The following GFPT2 variants were observed in gnomAD, a reference collection of about 807,000 sequenced individuals.
The protein encoded by GFPT2 is glutamine--fructose-6-phosphate transaminase 2.
GFPT2 carries 62 observed loss-of-function variants against 85.6 expected under a neutral mutation model. That is an observed-to-expected ratio of 0.72 (90% CI 0.59 to 0.90). The LOEUF (loss-of-function observed/expected upper bound fraction) is 0.90, where lower values mean the gene tolerates loss of function less well. Among genes scored for constraint, GFPT2 ranks in the 40% least tolerant of loss-of-function variants. GFPT2 has a pLI of 0.00. For synonymous variants in GFPT2, 368 were observed against 344.5 expected, an observed-to-expected ratio of 1.07 and a Z score of -0.75; for missense variants, 788 against 893.4, an observed-to-expected ratio of 0.88 and a Z score of 1.50.
chr5:180,338,507 C>T lies in GFPT2; in HGVS notation c.101G>A (p.Gly34Asp). The T allele has an allele frequency of 6.2e-7, 1 of 1,604,128 alleles. No homozygotes were observed. The highest frequency in any genetic ancestry group is 8.5e-7 in the Non-Finnish European group (1 of 1,171,284). Residue 34 changes from glycine to aspartate, a missense_variant, in exon 2 of 19, where the codon GGC becomes GAC. Physicochemically the swap from Gly to Asp is moderately conservative, Grantham distance 94 (BLOSUM62 -1). Coordinates refer to ENST00000253778, the MANE Select transcript of GFPT2 (RefSeq NM_005110.4). ...IKGLQRLEYR[G>D]YDSAGVAIDG... ...CGCACACCCACCTGCCGAGTCGTAGCCTCTGTACTCCAGCCGCTGCAGGCC... is the reference window on the plus strand; with the variant it reads ...CGCACACCCACCTGCCGAGTCGTAGTCTCTGTACTCCAGCCGCTGCAGGCC...
At chr5:180,340,941 C>CG (rs1764503926) in intron 1 of GFPT2, among the ~76,000 whole-genome samples, 1 of 152,166 alleles carries the variant, frequency 6.6e-6, no homozygotes, top group Non-Finnish European at 1.5e-5. Flanking sequence ...AGATGAATGA[C>CG]GGGGGAACAA....
At chr5:180,326,294 G>A (rs769180447) in intron 7 of GFPT2, among the ~76,000 whole-genome samples, 3 of 151,238 alleles carry the variant, frequency 2.0e-5, no homozygotes, top group African/African-American at 4.8e-5. Flanking sequence ...AGAAAACACC[G>A]ACGAACACTG....
intron 1 of GFPT2, among the ~76,000 whole-genome samples, chr5:180,348,797 A>G (rs1764658416): frequency 6.9e-6 from 1 of 144,502 alleles, no homozygotes; most frequent in African/African-American, 2.6e-5. Context: ...GCTGGAGTGT[A>G]GTGGCACGAT....
rs1419178220 is a variant in GFPT2 at position 180,353,305 on chromosome 5, C to T, written c.-88G>A. On this transcript the variant is annotated 5_prime_UTR_variant, in exon 1 of 19. Coordinates refer to ENST00000253778, the MANE Select transcript of GFPT2 (RefSeq NM_005110.4). ...CCTCCGTGGGCTCCTCCGTGGGCTC[C>T]GTGGGCTCCGTGGGCTCCGCGGGCT... is the stretch of plus-strand genomic sequence containing the variant. 2.0e-6 allele frequency: 2 copies of T among 977,928 alleles called. No homozygotes were observed. Among genetic ancestry groups the T allele is most frequent in the South Asian group, 5.2e-5 (1 of 19,272 alleles). 60.6% of individuals were successfully genotyped at this position (977,928 alleles called of 1,614,324 possible).
intron 1 of GFPT2, among the ~76,000 whole-genome samples, chr5:180,351,423 C>T (rs919249783): frequency 3.3e-5 from 5 of 152,298 alleles, no homozygotes; most frequent in East Asian, 1.9e-4. Flanking sequence ...CCACTTCCCC[C>T]ACCCTGCCCC....
At chr5:180,339,771 A>T (rs575634766) in intron 1 of GFPT2, among the ~76,000 whole-genome samples, 1 of 152,190 alleles carries the variant, frequency 6.6e-6, no homozygotes, top group East Asian at 1.9e-4. Context: ...TGGCCACCTC[A>T]GTGCTCTCAC....
Position 180,336,574 on chromosome 5 carries a change from A to G in GFPT2, c.119T>C (p.Val40Ala). The change falls in exon 3 of 19, where the codon GTG becomes GCG. Residue 40 changes from valine to alanine, a missense_variant. Coordinates refer to ENST00000253778, the MANE Select transcript of GFPT2 (RefSeq NM_005110.4). ...LEYRGYDSAGVAIDGNNHEVK... is the reference protein window; with the variant it reads ...LEYRGYDSAGAAIDGNNHEVK... ...TTCGTGATTATTCCCATCGATCGCC[A>G]CACCTGTGATGTAGACAGCATTTGT... 6.3e-7 allele frequency: 1 copy of G among 1,598,084 alleles called. No homozygotes were observed.
intron 1 of GFPT2, among the ~76,000 whole-genome samples, chr5:180,347,971 C>A (rs1360106375): frequency 1.3e-5 from 2 of 152,126 alleles, no homozygotes; most frequent in Non-Finnish European, 2.9e-5. Flanking sequence ...GAAAGCCCAG[C>A]CCTCACTCTG....
At chr5:180,334,724 G>C (rs1186106194) in intron 4 of GFPT2, among the ~76,000 whole-genome samples, 1 of 152,148 alleles carries the variant, frequency 6.6e-6, no homozygotes, top group Non-Finnish European at 1.5e-5. Context: ...TCAGGGGCTC[G>C]TGACTGGACC....
intron 18 of GFPT2, among the ~76,000 whole-genome samples, chr5:180,301,861 G>T (rs769274690): frequency 6.6e-6 from 1 of 151,596 alleles, no homozygotes; most frequent in Non-Finnish European, 1.5e-5. Context: ...TAAAGAATAA[G>T]GTTCATGCTT....
intron 1 of GFPT2, among the ~76,000 whole-genome samples, chr5:180,341,005 C>T: frequency 6.6e-6 from 1 of 152,184 alleles, no homozygotes; most frequent in East Asian, 1.9e-4. Flanking sequence ...GTGGGCCGGG[C>T]ACTGGGCCAC....
At position 180,318,615 on chromosome 5, in the gene GFPT2, G is replaced by A; in HGVS notation, c.958+178C>T. The A allele has an allele frequency of 1.7e-6, 1 of 592,968 alleles. No homozygotes were observed. The highest frequency in any genetic ancestry group is 3.0e-6 in the Non-Finnish European group (1 of 334,578). 36.7% of individuals were successfully genotyped at this position (592,968 alleles called of 1,614,324 possible). ...CAGGAGCCCCCGCTTGGAGGTGCCAGGCCAGCCTCCCCACATCCCCTCACC... is the reference window on the plus strand; with the variant it reads ...CAGGAGCCCCCGCTTGGAGGTGCCAAGCCAGCCTCCCCACATCCCCTCACC... On this transcript the variant is annotated intron_variant, in intron 10 of 18. Coordinates refer to ENST00000253778, the MANE Select transcript of GFPT2 (RefSeq NM_005110.4). The surrounding 1 kb of genome is among the most constrained non-coding windows in gnomAD (Gnocchi z 4.2).
chr5:180,322,187 A>G (rs1332538764), intron 9 of GFPT2, among the ~76,000 whole-genome samples: 1 of 152,046 alleles, frequency 6.6e-6, no homozygotes, highest in Non-Finnish European at 1.5e-5. Context: ...TTAAATGTTG[A>G]GTGCATTAAT....
rs373733324 is a variant in GFPT2, at chr5:180,330,787, G to A, written c.447C>T (p.Ile149=). The change falls in exon 6 of 19, where the codon ATC becomes ATT. Residue 149 remains isoleucine, a synonymous_variant. Transcript: ENST00000253778. The surrounding 1 kb of genome is among the most constrained non-coding windows in gnomAD (Gnocchi z 4.4). Reference sequence around the variant, plus strand: ...CGAACACATATTTAATCAGCTTGGCGATGGTCTCTGTATCTGTTTCTGACT... The same window carrying A: ...CGAACACATATTTAATCAGCTTGGCAATGGTCTCTGTATCTGTTTCTGACT... ...EFESETDTET[I]AKLIKYVFDN... is the part of the protein sequence containing the mutation. 4 of 1,612,708 alleles carry A rather than the reference G, an allele frequency of 2.5e-6. No homozygotes were observed. The highest frequency in any genetic ancestry group is 2.7e-5 in the African/African-American group (2 of 74,878).
chr5:180,303,400 C>T (rs924438309), intron 17 of GFPT2, among the ~76,000 whole-genome samples: 4 of 152,176 alleles, frequency 2.6e-5, no homozygotes, highest in African/African-American at 7.2e-5. Context: ...GTGGGAAGGG[C>T]ATTCCAGACA....
intron 1 of GFPT2, among the ~76,000 whole-genome samples, chr5:180,349,036 G>A (rs1540381): frequency 0.27 from 40,294 of 150,682 alleles, 5,589 homozygotes; most frequent in Admixed American, 0.32. Flanking sequence ...CCCCGTGCCC[G>A]GCCATTTCTA....
rs138892603 is a variant in GFPT2, at chr5:180,306,727, G to A, written c.1674+449C>T. On this transcript the variant is annotated intron_variant, in intron 16 of 18. Transcript: ENST00000253778. ...CCCCTCAATTTTGGTGGAAAAAAGC[G>A]AAGGCCCCATGGACTCAGGTCTGAT... is the stretch of plus-strand genomic sequence containing the variant. Among the ~76,000 whole-genome samples the A allele has an allele frequency of 1.7e-3, 262 of 152,278 alleles. 1 individual carries two copies. The highest frequency in any genetic ancestry group is 6.0e-3 in the African/African-American group (251 of 41,550).
At chr5:180,342,863 C>T (rs1405907988) in intron 1 of GFPT2, among the ~76,000 whole-genome samples, 1 of 151,768 alleles carries the variant, frequency 6.6e-6, no homozygotes, top group Non-Finnish European at 1.5e-5. Flanking sequence ...GATCACGCCA[C>T]TGCACTCCAG....
At chr5:180,341,542 T>C (rs527519452) in intron 1 of GFPT2, among the ~76,000 whole-genome samples, 2 of 152,372 alleles carry the variant, frequency 1.3e-5, no homozygotes, top group South Asian at 4.1e-4. Flanking sequence ...AAATTATACT[T>C]AAATTCTTAC....
Sources: allele counts gnomAD v4.1 joint callset (sites outside exome capture counted in the v4.1 genomes callset), GRCh38; gene constraint gnomAD v4.1.1; non-coding constraint Gnocchi (gnomAD v3.1); transcripts MANE v1.5; gene names NCBI Gene and HGNC (gene_info 2026-07-23, HGNC 2026-07-21).